The following C6orf136 variants were observed in gnomAD, a reference collection of about 807,000 sequenced individuals.
C6orf136 encodes the protein chromosome 6 open reading frame 136.
C6orf136 carries 29 observed loss-of-function variants against 44.0 expected under a neutral mutation model. That is an observed-to-expected ratio of 0.66 (90% CI 0.49 to 0.90). The LOEUF (loss-of-function observed/expected upper bound fraction) is 0.90. Among genes scored for constraint, C6orf136 ranks in the 40% least tolerant of loss-of-function variants. The pLI, the probability that C6orf136 is intolerant of heterozygous loss-of-function variation, is 0.00. For missense variants in C6orf136, 628 were observed against 669.3 expected, an observed-to-expected ratio of 0.94 and a Z score of 0.68; for synonymous variants, 293 against 278.6, an observed-to-expected ratio of 1.05 and a Z score of -0.52.
rs943146332 is a variant in C6orf136, at chr6:30,647,977, G to A, written c.615+131G>A. 3.0e-6 allele frequency: 4 copies of A among 1,319,218 alleles called. No homozygotes were observed. In the African/African-American group the frequency reaches 4.6e-5, roughly 15 times the overall value. The allele number at this position is 1,319,218 out of a possible 1,614,324, so 81.7% of individuals were successfully genotyped here. On this transcript the variant is annotated intron_variant, in intron 1 of 5. Coordinates refer to ENST00000651131, the MANE Select transcript of C6orf136 (RefSeq NM_001161376.2). The surrounding 1 kb of genome is among the most constrained non-coding windows in gnomAD (Gnocchi z 4.8). The stretch of plus-strand genomic sequence containing the variant: ...TGCAGTTTCAACGTCGGTAAACCCA[G>A]GAGAGTGAAGGCCAGCCTTTAACTG...
intron 2 of C6orf136, among the ~76,000 whole-genome samples, chr6:30,650,424 T>A (rs1020005111): frequency 6.6e-6 from 1 of 151,496 alleles, no homozygotes; most frequent in African/African-American, 2.4e-5. Flanking sequence ...GTTCCTCATT[T>A]TGGGTTAAGG....
chr6:30,647,296 G>A lies in C6orf136; in HGVS notation c.65G>A (p.Arg22Gln). The A allele has an allele frequency of 1.9e-6, 3 of 1,598,818 alleles. No individual in the cohort carries two copies. The highest frequency in any genetic ancestry group is 2.6e-6 in the Non-Finnish European group (3 of 1,174,776). Residue 22 changes from arginine (R) to glutamine (Q), a missense_variant, in exon 1 of 6, where the codon CGA (arginine) becomes CAA (glutamine). By Grantham distance (43) the Arg-to-Gln change is conservative. This residue lies in a region of C6orf136 where 497 missense variants were observed against 469.2 expected (regional missense o/e 1.06). Coordinates refer to ENST00000651131, the MANE Select transcript of C6orf136 (RefSeq NM_001161376.2). This position sits in a 1 kb window ranked among gnomAD's most constrained non-coding sequence, Gnocchi z 4.8. ...LGPCLRAYQA[R>Q]PQVSGGEEGG... ...CCTTGCCTGCGCGCCTACCAGGCTCGACCCCAGGTGAGCGGAGGAGAAGAG... is the reference window on the plus strand; with the variant it reads ...CCTTGCCTGCGCGCCTACCAGGCTCAACCCCAGGTGAGCGGAGGAGAAGAG...
In C6orf136 at chr6:30,647,584, C is replaced by A; in HGVS notation, c.353C>A (p.Ser118Tyr). 1 of 1,540,928 alleles carries A rather than the reference C, an allele frequency of 6.5e-7. No individual in the cohort carries two copies. The highest frequency in any genetic ancestry group is 8.8e-7 in the Non-Finnish European group (1 of 1,139,796). The change falls in exon 1 of 6, where the codon TCT becomes TAT. Residue 118 changes from serine (S) to tyrosine (Y), a missense_variant. By Grantham distance (144) the Ser-to-Tyr change is moderately radical (BLOSUM62 -2). Coordinates refer to ENST00000651131, the MANE Select transcript of C6orf136 (RefSeq NM_001161376.2). The surrounding 1 kb of genome is among the most constrained non-coding windows in gnomAD (Gnocchi z 4.8). ...AAGRVCVAPDSPRLPVPRGDL... is the reference protein window; with the variant it reads ...AAGRVCVAPDYPRLPVPRGDL... ...GGGCGCGTCTGCGTTGCGCCCGACTCTCCGCGGTTACCTGTGCCTAGAGGT... is the reference window on the plus strand; with the variant it reads ...GGGCGCGTCTGCGTTGCGCCCGACTATCCGCGGTTACCTGTGCCTAGAGGT...
chr6:30,647,364 G>C lies in C6orf136; in HGVS notation c.133G>C (p.Val45Leu), dbSNP rs769163774. ...CGGGGAGAGACCCTCCTCAAAGCCG[G>C]TGCGTGGGGCGGAGCGCGCGCTGGG... ...GGGERPSSKPVRGAERALGSA... is the reference protein window; with the variant it reads ...GGGERPSSKPLRGAERALGSA... The change falls in exon 1 of 6, where the codon GTG becomes CTG. Residue 45 changes from valine to leucine, a missense_variant. Val to Leu is a conservative substitution (Grantham distance 32). Transcript: ENST00000651131. The surrounding 1 kb of genome is among the most constrained non-coding windows in gnomAD (Gnocchi z 4.8). 7 of 1,520,506 alleles carry C rather than the reference G, an allele frequency of 4.6e-6. No individual in the cohort carries two copies. In the Middle Eastern group the frequency reaches 5.4e-4, roughly 117 times the overall value. The allele number at this position is 1,520,506 out of a possible 1,614,324, so 94.2% of individuals were successfully genotyped here.
At chr6:30,648,209 A>G (rs1314759859) in intron 1 of C6orf136, among the ~76,000 whole-genome samples, 1 of 152,176 alleles carries the variant, frequency 6.6e-6, no homozygotes, top group Admixed American at 6.5e-5. Flanking sequence ...ACATGATAGA[A>G]TTCAGATTCC....
chr6:30,652,556 A>C, intron 4 of C6orf136, 92 bp from the exon 5 acceptor site: 1 of 1,146,970 alleles, frequency 8.7e-7, no homozygotes, highest in South Asian at 1.2e-5. Context: ...AATATGTAGC[A>C]GAATTTAGGG....
Position 30,647,855 on chromosome 6 carries a change from G to T in C6orf136, c.615+9G>T. 1 of 1,472,014 alleles carries T rather than the reference G, an allele frequency of 6.8e-7. No homozygotes were observed. Among genetic ancestry groups the T allele is most frequent in the Non-Finnish European group, 9.0e-7 (1 of 1,111,956 alleles). The allele number at this position is 1,472,014 out of a possible 1,614,324, so 91.2% of individuals were successfully genotyped here. A position where few individuals can be genotyped will look rare whatever the true frequency, so the allele number is the denominator to read the frequency against. ...CACCATCGGGGACCGAGGTACCCGA[G>T]CGGTCCGCCCGCCTTCCCTGCAGTG... On this transcript the variant is annotated intron_variant, in intron 1 of 5. Transcript: ENST00000651131. This position sits in a 1 kb window ranked among gnomAD's most constrained non-coding sequence, Gnocchi z 4.8.
At position 30,649,789 on chromosome 6, in the gene C6orf136, G is replaced by A. The variant is rs769287918; in HGVS notation, c.847G>A (p.Gly283Ser). The change falls in exon 2 of 6, where the codon GGC (glycine) becomes AGC (serine). Residue 283 changes from glycine to serine, a missense_variant. Around this residue, in one of 2 missense-constraint regions of C6orf136, gnomAD observed 497 missense variants for 469.2 expected, o/e 1.06. Coordinates refer to ENST00000651131, the MANE Select transcript of C6orf136 (RefSeq NM_001161376.2). ...EEGPGPELHS[G>S]CLDGLRSLFE... ...GGGACCAGGACCTGAGTTGCATAGC[G>A]GCTGCCTGGATGGGCTTAGAAGCCT... is the stretch of plus-strand genomic sequence containing the variant. The A allele has an allele frequency of 5.0e-6, 8 of 1,613,950 alleles. No homozygotes were observed. In the Admixed American group the frequency reaches 8.3e-5, roughly 17 times the overall value.
Position 30,647,247 on chromosome 6 carries a change from C to T in C6orf136, c.16C>T (p.Arg6Trp), listed in dbSNP as rs1350299520. ...CCGGAAGATCATGTACCAGCCCAGC[C>T]GGGGTGCGGCCCGGCGTCTCGGCCC... is the stretch of plus-strand genomic sequence containing the variant. The part of the protein sequence containing the change: MYQPS[R>W]GAARRLGPCL... The change falls in exon 1 of 6, where the codon CGG becomes TGG. Residue 6 changes from arginine to tryptophan, a missense_variant. By Grantham distance (101) the Arg-to-Trp change is moderately radical (BLOSUM62 -3). This residue lies in a region of C6orf136 where 497 missense variants were observed against 469.2 expected (regional missense o/e 1.06). Coordinates refer to ENST00000651131, the MANE Select transcript of C6orf136 (RefSeq NM_001161376.2). This position sits in a 1 kb window ranked among gnomAD's most constrained non-coding sequence, Gnocchi z 4.8. The T allele has an allele frequency of 1.0e-5, 16 of 1,595,784 alleles. No individual in the cohort carries two copies. The highest frequency in any genetic ancestry group is 1.4e-5 in the Non-Finnish European group (16 of 1,173,950).
Position 30,653,148 on chromosome 6 carries a change from C to A in C6orf136, c.*233C>A. Reference sequence around the variant, plus strand: ...TTTCTCTAGATCCCAAATGTTCCCACAAGCTTTATTCCAAAAATAATTTTA... The same window carrying A: ...TTTCTCTAGATCCCAAATGTTCCCAAAAGCTTTATTCCAAAAATAATTTTA... On this transcript the variant is annotated 3_prime_UTR_variant, in exon 6 of 6. Transcript: ENST00000651131. The A allele has an allele frequency of 7.0e-7, 1 of 1,437,296 alleles. No individual in the cohort carries two copies. The highest frequency in any genetic ancestry group is 2.3e-5 in the Admixed American group (1 of 43,396). The allele number at this position is 1,437,296 out of a possible 1,614,324, so 89.0% of individuals were successfully genotyped here.
intron 2 of C6orf136, among the ~76,000 whole-genome samples, chr6:30,650,309 G>T (rs192261512): frequency 6.6e-6 from 1 of 150,778 alleles, no homozygotes; most frequent in African/African-American, 2.4e-5. Flanking sequence ...CAGGAGAATC[G>T]CTTGAACCCA....
intron 1 of C6orf136, among the ~76,000 whole-genome samples, chr6:30,648,572 T>C (rs1231618495): frequency 1.3e-5 from 2 of 151,710 alleles, no homozygotes; most frequent in Admixed American, 1.3e-4. Context: ...CTAATTGTTT[T>C]GTATCTTTAG....
Position 30,651,467 on chromosome 6 carries a change from G to T in C6orf136, c.1307+1G>T. 1 of 1,605,640 alleles carries T rather than the reference G, an allele frequency of 6.2e-7. No homozygotes were observed. On this transcript the variant is annotated splice_donor_variant, in intron 4 of 5. Transcript: ENST00000651131. LOFTEE classifies it high-confidence loss of function. ...AGCGTGACAAAGACGAGCATTACCG[G>T]TAAGAGAGAAATGAGAAAGGACCCA... is the stretch of plus-strand genomic sequence containing the variant.
Position 30,647,862 on chromosome 6 carries a change from G to T in C6orf136, c.615+16G>T. 6.8e-7 allele frequency: 1 copy of T among 1,467,722 alleles called. No individual in the cohort carries two copies. The highest frequency in any genetic ancestry group is 9.0e-7 in the Non-Finnish European group (1 of 1,110,312). The allele number at this position is 1,467,722 out of a possible 1,614,324, so 90.9% of individuals were successfully genotyped here. On this transcript the variant is annotated intron_variant, in intron 1 of 5. Transcript: ENST00000651131. The surrounding 1 kb of genome is among the most constrained non-coding windows in gnomAD (Gnocchi z 4.8). ...GGGGACCGAGGTACCCGAGCGGTCC[G>T]CCCGCCTTCCCTGCAGTGAGACGAT...
At chr6:30,650,482 A>C (rs1330274154) in intron 2 of C6orf136, among the ~76,000 whole-genome samples, 1 of 151,746 alleles carries the variant, frequency 6.6e-6, no homozygotes, top group African/African-American at 2.4e-5. Context: ...GGGAGTAAGG[A>C]GGCCTTAAAA....
rs935610680 is a variant in C6orf136 at position 30,653,139 on chromosome 6, A to G, written c.*224A>G. The G allele has an allele frequency of 2.9e-6, 4 of 1,390,242 alleles. No individual in the cohort carries two copies. In the Admixed American group the frequency reaches 9.5e-5, roughly 33 times the overall value. The allele number at this position is 1,390,242 out of a possible 1,614,324, so 86.1% of individuals were successfully genotyped here. On this transcript the variant is annotated 3_prime_UTR_variant, in exon 6 of 6. Transcript: ENST00000651131. ...ACATATCACTTTCTCTAGATCCCAA[A>G]TGTTCCCACAAGCTTTATTCCAAAA...
In C6orf136 at chr6:30,653,105, T is replaced by G; in HGVS notation, c.*190T>G. The G allele has an allele frequency of 1.7e-6, 2 of 1,183,032 alleles. No individual in the cohort carries two copies. The highest frequency in any genetic ancestry group is 2.3e-6 in the Non-Finnish European group (2 of 851,392). The allele number at this position is 1,183,032 out of a possible 1,614,324, so 73.3% of individuals were successfully genotyped here. ...ATAAAGTTTAACTGACTATATGAGA[T>G]AGAATTTCACATATCACTTTCTCTA... On this transcript the variant is annotated 3_prime_UTR_variant, in exon 6 of 6. Transcript: ENST00000651131.
intron 2 of C6orf136, 29 bp from the exon 3 acceptor site, chr6:30,650,965 C>G: frequency 6.6e-7 from 1 of 1,508,796 alleles, no homozygotes; most frequent in Non-Finnish European, 9.2e-7. Context: ...TTCTTTCCCA[C>G]TGGGTTGATG....
intron 4 of C6orf136, among the ~76,000 whole-genome samples, chr6:30,651,902 C>T (rs1767459863): frequency 2.6e-5 from 4 of 152,006 alleles, no homozygotes; most frequent in Admixed American, 2.6e-4. Context: ...TTAGAAAAAC[C>T]TCTGAGCTTC....
Sources: gnomAD v4.1 joint callset for allele counts (sites outside exome capture counted in the v4.1 genomes callset) on GRCh38, gnomAD v4.1.1 for gene constraint, gnomAD v4.1.1 regional missense constraint, Gnocchi (gnomAD v3.1) non-coding constraint, MANE v1.5 for transcripts, NCBI Gene and HGNC (gene_info 2026-07-23, HGNC 2026-07-21) for gene names.